Variants in MTM1 observed in about 807,000 individuals in gnomAD.
MTM1 encodes myotubularin.
In MTM1, 9 loss-of-function variants were observed where a neutral mutation model predicts 52.1. The observed-to-expected ratio is 0.17, with a 90% CI of 0.10 to 0.30. MTM1 has a LOEUF of 0.30. Among genes scored for constraint, MTM1 ranks in the 10% least tolerant of loss-of-function variants. MTM1 has a pLI of 1.00. For missense variants in MTM1, 277 were observed against 470.7 expected (o/e 0.59, Z 3.81); for synonymous variants, 136 against 163.8 (o/e 0.83, Z 1.29).
At chrX:150,596,747 G>C in intron 3 of MTM1, 177 bp downstream of exon 3, 1 of 425,555 alleles carries the variant, frequency 2.3e-6, no homozygotes, top group Non-Finnish European at 4.2e-6. Flanking sequence ...TCTTTTGAGA[G>C]CTTCATGCTC....
chrX:150,583,538 ATATATTATACAT>A (rs1557412029), intron 1 of MTM1, among the ~76,000 whole-genome samples: 2 of 30,224 alleles, frequency 6.6e-5, no homozygotes, highest in Non-Finnish European at 1.0e-4. Flanking sequence ...TATAAATTAT[ATATATTATACAT>A]AATTTATATA....
chrX:150,592,916 T>A (rs1284042520), intron 2 of MTM1, among the ~76,000 whole-genome samples: 2 of 108,997 alleles, frequency 1.8e-5, no homozygotes, highest in Non-Finnish European at 3.8e-5. Flanking sequence ...AGATCTCAGC[T>A]CACTGCAACC....
chrX:150,667,633 G>C (rs967579923), intron 14 of MTM1, among the ~76,000 whole-genome samples: 1 of 112,006 alleles, frequency 8.9e-6, no homozygotes, highest in Non-Finnish European at 1.9e-5. Flanking sequence ...CTGGGTGTTA[G>C]GCATTCTACC....
intron 6 of MTM1, among the ~76,000 whole-genome samples, chrX:150,626,474 C>T (rs1240424316): frequency 9.1e-6 from 1 of 110,248 alleles, no homozygotes; most frequent in Admixed American, 9.7e-5. Flanking sequence ...CCACCACGCC[C>T]GACTAATTTT....
chrX:150,586,087 A>G (rs1557412244), intron 1 of MTM1, among the ~76,000 whole-genome samples: 1 of 112,480 alleles, frequency 8.9e-6, no homozygotes, highest in African/African-American at 3.2e-5. Context: ...AGGGGTAGGT[A>G]TATCATCATG....
chrX:150,573,765 G>C (rs899886546), intron 1 of MTM1, among the ~76,000 whole-genome samples: 1 of 111,873 alleles, frequency 8.9e-6, no homozygotes, highest in Admixed American at 9.5e-5. Context: ...TAGGAGAATA[G>C]GTACTATGCT....
intron 1 of MTM1, among the ~76,000 whole-genome samples, chrX:150,569,824 C>T (rs894353738): frequency 8.9e-6 from 1 of 112,385 alleles, no homozygotes; most frequent in Non-Finnish European, 1.9e-5. Flanking sequence ...AGGCCTGTTA[C>T]TTTGCAGACA....
upstream of MTM1, among the ~76,000 whole-genome samples, chrX:150,564,874 C>T (rs888407950): frequency 1.8e-5 from 2 of 111,940 alleles, no homozygotes; most frequent in Non-Finnish European, 3.8e-5. Flanking sequence ...TTTTTAAATA[C>T]AGACTGGGGT....
chrX:150,604,098 C>T (rs2266844), intron 4 of MTM1, among the ~76,000 whole-genome samples: 38,275 of 110,765 alleles, frequency 0.35, 6,050 homozygotes, highest in East Asian at 0.68. Flanking sequence ...GGAGCCCCAG[C>T]GAGAACAGAT....
At chrX:150,583,086 ATTATATATAT>A (rs1401578726) in intron 1 of MTM1, among the ~76,000 whole-genome samples, 1 of 86,546 alleles carries the variant, frequency 1.2e-5, no homozygotes, top group African/African-American at 4.4e-5. Flanking sequence ...TATATATTAA[ATTATATATAT>A]TTATATATAA....
intron 10 of MTM1, among the ~76,000 whole-genome samples, chrX:150,655,655 T>TAAGGCCACAAAAG (rs2040101139): frequency 8.9e-6 from 1 of 112,180 alleles, no homozygotes; most frequent in Non-Finnish European, 1.9e-5. Context: ...GGCCACCTAT[T>TAAGGCCACAAAAG]GCATTATCCT....
At chrX:150,652,150 A>G (rs1412352406) in intron 10 of MTM1, among the ~76,000 whole-genome samples, 1 of 111,081 alleles carries the variant, frequency 9.0e-6, no homozygotes, top group Non-Finnish European at 1.9e-5. Flanking sequence ...GAAAAGATTT[A>G]CTTCAGGAAT....
chrX:150,612,411 G>GC (rs1415050762), intron 4 of MTM1, among the ~76,000 whole-genome samples: 2 of 111,729 alleles, frequency 1.8e-5, no homozygotes, highest in African/African-American at 6.5e-5. Flanking sequence ...AATATAAAAG[G>GC]CCAGGAGCAG....
chrX:150,624,858 G>T (rs2039540805), intron 6 of MTM1, among the ~76,000 whole-genome samples: 1 of 112,374 alleles, frequency 8.9e-6, no homozygotes, highest in Non-Finnish European at 1.9e-5. Context: ...TTAAGTTATT[G>T]TAGGCGTGAA....
chrX:150,670,857 A>G (rs1428635329), intron 14 of MTM1, among the ~76,000 whole-genome samples: 4 of 112,251 alleles, frequency 3.6e-5, no homozygotes, highest in Non-Finnish European at 7.5e-5. Context: ...ATTACCCATC[A>G]GCCTGGGAAG....
chrX:150,673,067 G>A lies in MTM1; in HGVS notation c.*1472G>A, dbSNP rs927113313. 8.9e-6 allele frequency: 1 copy of A among 112,231 alleles called. No individual in the cohort carries two copies. Among genetic ancestry groups the A allele is most frequent in the East Asian group, 2.8e-4 (1 of 3,630 alleles). The allele number at this position is 112,231 out of a possible 1,213,427, so 9.2% of individuals were successfully genotyped here. A position where few individuals can be genotyped will look rare whatever the true frequency, so the allele number is the denominator to read the frequency against. ...TAATACTAATAGCCTAAAAGATTTT[G>A]TGAAATTTCATGAAAACTTTTTAAT... is the stretch of plus-strand genomic sequence containing the variant. On this transcript the variant is annotated 3_prime_UTR_variant, in exon 15 of 15. Coordinates refer to ENST00000370396, the MANE Select transcript of MTM1 (RefSeq NM_000252.3).
rs868953230 is a variant in MTM1, at chrX:150,583,629, T to A, written c.-10-8976T>A. ...TATAATTTATATATATTATATATAATTTATATATAATATATAATTTATATA... is the reference window on the plus strand; with the variant it reads ...TATAATTTATATATATTATATATAAATTATATATAATATATAATTTATATA... On this transcript the variant is annotated intron_variant, in intron 1 of 14. Coordinates refer to ENST00000370396, the MANE Select transcript of MTM1 (RefSeq NM_000252.3). Among the ~76,000 whole-genome samples, 82 of 34,920 alleles carry A rather than the reference T, an allele frequency of 2.3e-3. 3 individuals are homozygous for A. The highest frequency in any genetic ancestry group is 0.022 in the East Asian group (22 of 978). 30.3% of individuals were successfully genotyped at this position (34,920 alleles called of 115,157 possible).
At chrX:150,656,229 GA>G (rs1384611995) in intron 10 of MTM1, among the ~76,000 whole-genome samples, 3 of 111,529 alleles carry the variant, frequency 2.7e-5, no homozygotes, top group African/African-American at 9.8e-5. Flanking sequence ...GACCCTATTT[GA>G]AAAGAAGGTC....
At chrX:150,589,070 G>A (rs781954289) in intron 1 of MTM1, among the ~76,000 whole-genome samples, 1 of 112,046 alleles carries the variant, frequency 8.9e-6, no homozygotes, top group Admixed American at 9.4e-5. Context: ...AGGCCCCAAA[G>A]GTTGGTTGGC....
Sources: gnomAD v4.1 joint callset for allele counts (sites outside exome capture counted in the v4.1 genomes callset) on GRCh38, gnomAD v4.1.1 for gene constraint, MANE v1.5 for transcripts, NCBI Gene and HGNC (gene_info 2026-07-23, HGNC 2026-07-21) for gene names.